Variants in NEMP2 observed in about 807,000 individuals in gnomAD.
NEMP2 encodes the protein UPF0571 transmembrane protein.
Under a neutral mutation model 54.2 loss-of-function variants are expected in NEMP2, and 53 were observed. The observed-to-expected ratio is 0.98, with a 90% CI of 0.78 to 1.23. The LOEUF (loss-of-function observed/expected upper bound fraction) is 1.23. Ranked by LOEUF, NEMP2 falls within the 50% of genes most tolerant of loss-of-function variation. The probability of loss-of-function intolerance (pLI) is 0.00; values close to 1 mark genes in which losing one functional copy is unlikely to be tolerated. For missense variants in NEMP2, 455 were observed against 511.3 expected (o/e 0.89, Z 1.06); for synonymous variants, 197 against 190.3 (o/e 1.04, Z -0.29).
At chr2:190,482,977 T>C in the NEMP2 span, among the ~76,000 whole-genome samples, 28 of 138,536 alleles carry the variant, frequency 2.0e-4, no homozygotes, top group African/African-American at 5.8e-4. Context: ...CTGCAAGCTC[T>C]GCTTCCCGGG....
the NEMP2 span, chr2:190,469,933 C>G: frequency 2.0e-6 from 2 of 1,003,144 alleles, no homozygotes; most frequent in Non-Finnish European, 3.0e-6. This position sits in a 1 kb window ranked among gnomAD's most constrained non-coding sequence, Gnocchi z 5.3. Context: ...CCTTCAGCAT[C>G]TGATTCTATA....
chr2:190,468,565 A>C, the NEMP2 span, among the ~76,000 whole-genome samples: 1 of 148,908 alleles, frequency 6.7e-6, no homozygotes, highest in Non-Finnish European at 1.5e-5. Context: ...CAGTCCTCCT[A>C]CCTCAGCCTC....
the NEMP2 span, chr2:190,646,639 G>C: frequency 1.3e-5 from 2 of 152,210 alleles, no homozygotes; most frequent in African/African-American, 4.8e-5. Context: ...TTCTTAATGT[G>C]GGAAGAATAC....
chr2:190,544,516 T>C, the NEMP2 span, among the ~76,000 whole-genome samples: 29 of 152,268 alleles, frequency 1.9e-4, no homozygotes, highest in African/African-American at 6.3e-4. Context: ...GAGAGTCCCA[T>C]CTCTAAAGAT....
At chr2:190,572,340 T>C in the NEMP2 span, among the ~76,000 whole-genome samples, 274 of 152,322 alleles carry the variant, frequency 1.8e-3, no homozygotes, top group Middle Eastern at 6.8e-3. Flanking sequence ...TGCTCTTTCC[T>C]TTCTAGGAGG....
At chr2:190,619,809 G>A in the NEMP2 span, among the ~76,000 whole-genome samples, 1 of 152,268 alleles carries the variant, frequency 6.6e-6, no homozygotes, top group East Asian at 1.9e-4. This position sits in a 1 kb window ranked among gnomAD's most constrained non-coding sequence, Gnocchi z 5.5. Context: ...CAAAAGTTGA[G>A]AGTGGGAGAT....
chr2:190,499,804 G>A, downstream of NEMP2: 1 of 1,525,054 alleles, frequency 6.6e-7, no homozygotes, highest in South Asian at 1.2e-5. This position sits in a 1 kb window ranked among gnomAD's most constrained non-coding sequence, Gnocchi z 6.0. Flanking sequence ...TGCTTATAGT[G>A]TTTGTGTTTT....
the NEMP2 span, among the ~76,000 whole-genome samples, chr2:190,539,851 C>G: frequency 6.6e-6 from 1 of 152,050 alleles, no homozygotes; most frequent in Non-Finnish European, 1.5e-5. The surrounding 1 kb of genome is among the most constrained non-coding windows in gnomAD (Gnocchi z 4.1). Context: ...AGTAAAAGAT[C>G]ATGTTATCTG....
chr2:190,627,916 AAC>A, the NEMP2 span: 1 of 152,248 alleles, frequency 6.6e-6, no homozygotes, highest in African/African-American at 2.4e-5. The surrounding 1 kb of genome is among the most constrained non-coding windows in gnomAD (Gnocchi z 4.4). Context: ...AGCTGAGCGC[AAC>A]AGACTGCATC....
At chr2:190,458,929 A>C in the NEMP2 span, among the ~76,000 whole-genome samples, 1 of 152,198 alleles carries the variant, frequency 6.6e-6, no homozygotes. The surrounding 1 kb of genome is among the most constrained non-coding windows in gnomAD (Gnocchi z 5.3). Flanking sequence ...AGTTCAGCTG[A>C]GAACAGAGAA....
the NEMP2 span, among the ~76,000 whole-genome samples, chr2:190,427,654 T>A: frequency 2.0e-5 from 3 of 152,114 alleles, no homozygotes; most frequent in Non-Finnish European, 1.5e-5. Flanking sequence ...TTGTCTAGGG[T>A]TTTTAGTTGT....
chr2:190,572,834 TATATA>T, the NEMP2 span, among the ~76,000 whole-genome samples: 5 of 37,776 alleles, frequency 1.3e-4, no homozygotes, highest in African/African-American at 4.0e-4. Flanking sequence ...TTTTCATGAG[TATATA>T]TATATATATA....
intron 7 of NEMP2, among the ~76,000 whole-genome samples, chr2:190,511,553 AT>A (rs72470733): frequency 0.12 from 16,294 of 133,530 alleles, 981 homozygotes; most frequent in African/African-American, 0.27. Context: ...ATTAAATTTA[AT>A]TTTTTTTTTT....
At chr2:190,597,693 T>C in the NEMP2 span, among the ~76,000 whole-genome samples, 1 of 151,714 alleles carries the variant, frequency 6.6e-6, no homozygotes, top group Non-Finnish European at 1.5e-5. The surrounding 1 kb of genome is among the most constrained non-coding windows in gnomAD (Gnocchi z 4.7). Flanking sequence ...GCCACAGTTC[T>C]AAAACCTTGG....
the NEMP2 span, among the ~76,000 whole-genome samples, chr2:190,490,847 G>T: frequency 6.6e-6 from 1 of 152,244 alleles, no homozygotes; most frequent in African/African-American, 2.4e-5. The surrounding 1 kb of genome is among the most constrained non-coding windows in gnomAD (Gnocchi z 4.5). Flanking sequence ...TCTGTGAAGA[G>T]AAAAACTTGC....
the NEMP2 span, among the ~76,000 whole-genome samples, chr2:190,639,487 C>T: frequency 6.6e-6 from 1 of 151,570 alleles, no homozygotes; most frequent in African/African-American, 2.4e-5. Flanking sequence ...TTGTTGACCT[C>T]CTGGTTTTTG....
At chr2:190,511,601 C>A (rs1315965502) in intron 7 of NEMP2, among the ~76,000 whole-genome samples, 1 of 142,458 alleles carries the variant, frequency 7.0e-6, no homozygotes, top group Admixed American at 7.2e-5. Flanking sequence ...GTTGCCCAGG[C>A]TGGAGTGCCG....
At chr2:190,561,449 C>T in the NEMP2 span, among the ~76,000 whole-genome samples, 1 of 152,188 alleles carries the variant, frequency 6.6e-6, no homozygotes, top group South Asian at 2.1e-4. This position sits in a 1 kb window ranked among gnomAD's most constrained non-coding sequence, Gnocchi z 5.4. Flanking sequence ...TGAGACCTCT[C>T]TCCTTGACTT....
the NEMP2 span, among the ~76,000 whole-genome samples, chr2:190,552,673 T>G: frequency 1.1e-4 from 16 of 151,352 alleles, no homozygotes; most frequent in Admixed American, 6.6e-5. Flanking sequence ...TGAGCTATGA[T>G]CCCACCACTG....
Sources: gnomAD v4.1 joint callset for allele counts (sites outside exome capture counted in the v4.1 genomes callset) on GRCh38, gnomAD v4.1.1 for gene constraint, Gnocchi (gnomAD v3.1) non-coding constraint, MANE v1.5 for transcripts, NCBI Gene and HGNC (gene_info 2026-07-23, HGNC 2026-07-21) for gene names.